Variants in ATP8B4 observed in about 807,000 individuals in gnomAD.
ATP8B4 encodes ATPase phospholipid transporting 8B4 (putative).
A neutral mutation model predicts 145.6 loss-of-function variants in ATP8B4; 133 were observed. The observed-to-expected ratio is 0.91, with a 90% CI of 0.79 to 1.05. ATP8B4 has a LOEUF of 1.05. Ranked by LOEUF, ATP8B4 falls within the 50% of genes least tolerant of loss-of-function variation. The probability of loss-of-function intolerance (pLI) is 0.00; values close to 1 mark genes in which losing one functional copy is unlikely to be tolerated. For missense variants in ATP8B4, 1,458 were observed against 1,425.2 expected (o/e 1.02, Z -0.37); for synonymous variants, 507 against 492.9 (o/e 1.03, Z -0.38).
At chr15:49,936,665 T>C (rs2041757816) in intron 14 of ATP8B4, among the ~76,000 whole-genome samples, 1 of 152,154 alleles carries the variant, frequency 6.6e-6, no homozygotes, top group Non-Finnish European at 1.5e-5. Context: ...ACTCTTTCAA[T>C]TGGAAGATTT....
intron 1 of ATP8B4, among the ~76,000 whole-genome samples, chr15:50,165,933 T>G (rs2044590456): frequency 6.8e-6 from 1 of 147,636 alleles, no homozygotes; most frequent in African/African-American, 2.5e-5. Flanking sequence ...ATAAAAGATA[T>G]CAAACCATAG....
chr15:49,876,855 A>G (rs569689870), intron 24 of ATP8B4, among the ~76,000 whole-genome samples: 34 of 152,344 alleles, frequency 2.2e-4, no homozygotes, highest in African/African-American at 8.2e-4. Context: ...GCAGGCTGTC[A>G]GAAGCATTCG....
At chr15:50,143,302 T>C (rs898411282) in intron 1 of ATP8B4, among the ~76,000 whole-genome samples, 8 of 152,232 alleles carry the variant, frequency 5.3e-5, no homozygotes, top group Non-Finnish European at 1.0e-4. Context: ...CAGATACTAG[T>C]TGATTCTGCA....
rs535151098 is a variant in ATP8B4, at chr15:49,935,356, T to A, written c.1288-1174A>T. On this transcript the variant is annotated intron_variant, in intron 14 of 27. Transcript: ENST00000284509. The stretch of plus-strand genomic sequence containing the variant: ...CTGAGCATTGCCAAGGCCAACCATA[T>A]ACATCCATCAGCCAGGACTCAAACT... Among the ~76,000 whole-genome samples the A allele has an allele frequency of 2.6e-5, 4 of 152,218 alleles. No homozygotes were observed. The East Asian group carries it at 7.7e-4, about 29-fold the overall frequency.
chr15:50,087,113 T>G (rs1212608737), intron 2 of ATP8B4, among the ~76,000 whole-genome samples: 1 of 124,740 alleles, frequency 8.0e-6, no homozygotes, highest in Non-Finnish European at 1.6e-5. Context: ...TAGATTATAT[T>G]TATTATATAT....
At chr15:50,134,879 T>G (rs2044100889) in intron 1 of ATP8B4, among the ~76,000 whole-genome samples, 1 of 152,246 alleles carries the variant, frequency 6.6e-6, no homozygotes, top group Non-Finnish European at 1.5e-5. Flanking sequence ...GTTTGAGTTC[T>G]GCATACCAAT....
intron 13 of ATP8B4, among the ~76,000 whole-genome samples, chr15:49,963,459 CAT>C (rs937746897): frequency 1.1e-4 from 17 of 152,328 alleles, no homozygotes; most frequent in African/African-American, 4.1e-4. Flanking sequence ...GATACACACA[CAT>C]ACGTTCATTG....
At chr15:49,918,766 G>T in intron 19 of ATP8B4, 73 bp downstream of exon 19, 2 of 1,085,078 alleles carry the variant, frequency 1.8e-6, no homozygotes, top group Non-Finnish European at 2.8e-6. Flanking sequence ...TAACCTTTCT[G>T]GTTAATTAAA....
intron 1 of ATP8B4, among the ~76,000 whole-genome samples, chr15:50,145,684 C>CCTTT (rs538990258): frequency 1.1e-3 from 161 of 152,146 alleles, no homozygotes; most frequent in Non-Finnish European, 1.8e-3. Context: ...CTTTTTCCTT[C>CCTTT]CTTTCTTTCT....
In ATP8B4 at chr15:50,167,073, A is replaced by C. The variant is rs578036135; in HGVS notation, c.-43+15188T>G. Among the ~76,000 whole-genome samples, 3 of 152,348 alleles carry C rather than the reference A, an allele frequency of 2.0e-5. No homozygotes were observed. In the East Asian group the frequency reaches 5.8e-4, roughly 29 times the overall value. On this transcript the variant is annotated intron_variant, in intron 1 of 3. Coordinates refer to the ATP8B4 transcript ENST00000558829. The stretch of plus-strand genomic sequence containing the variant: ...TGAGGATTCTCACTGTTTCAGTGAA[A>C]TAGTTACAGCCTACTTTAGGTCCTT...
chr15:50,022,993 T>C, intron 6 of ATP8B4, among the ~76,000 whole-genome samples: 1 of 152,188 alleles, frequency 6.6e-6, no homozygotes. Flanking sequence ...GTAGACTCCA[T>C]TTTTCTCTAT....
intron 1 of ATP8B4, among the ~76,000 whole-genome samples, chr15:50,155,677 A>G (rs1356672983): frequency 6.6e-6 from 1 of 152,160 alleles, no homozygotes; most frequent in Non-Finnish European, 1.5e-5. Context: ...TGTAGACACA[A>G]CATACAACGT....
At chr15:50,094,309 C>CT (rs764271538) in intron 2 of ATP8B4, among the ~76,000 whole-genome samples, 7 of 152,046 alleles carry the variant, frequency 4.6e-5, no homozygotes, top group Non-Finnish European at 7.4e-5. Flanking sequence ...TTTTTCTTGC[C>CT]TTCAGACTCA....
chr15:49,894,863 A>G (rs1006676836), intron 23 of ATP8B4: 4 of 152,212 alleles, frequency 2.6e-5, no homozygotes, highest in Admixed American at 2.6e-4. Flanking sequence ...ACACCCACCA[A>G]CATGAAATGA....
Position 49,934,119 on chromosome 15 carries a change from G to T in ATP8B4, c.1351C>A (p.His451Asn), listed in dbSNP as rs778606504. The stretch of plus-strand genomic sequence containing the variant: ...ATTTTAATGGATTCCATCAGATGGT[G>T]GTCAAAGAACTGAAATTCTCTATCC... The part of the protein sequence containing the change: ...QADREFQFFD[H>N]HLMESIKMGD... The change falls in exon 15 of 28, where the codon CAC becomes AAC. Residue 451 changes from histidine to asparagine, a missense_variant. Coordinates refer to ENST00000284509, the MANE Select transcript of ATP8B4 (RefSeq NM_024837.4). 5 of 1,612,482 alleles carry T rather than the reference G, an allele frequency of 3.1e-6. No individual in the cohort carries two copies. The highest frequency in any genetic ancestry group is 2.7e-5 in the African/African-American group (2 of 74,790).
At chr15:50,103,834 C>T (rs942727382) in intron 2 of ATP8B4, among the ~76,000 whole-genome samples, 3 of 152,104 alleles carry the variant, frequency 2.0e-5, no homozygotes, top group African/African-American at 7.2e-5. Flanking sequence ...TCAAACTATA[C>T]TATAAGGCCC....
At position 49,927,510 on chromosome 15, in the gene ATP8B4, G is replaced by A. The variant is rs74572453; in HGVS notation, c.1642+3609C>T. ...AAAAATCCTCCTGATTAAAAACCAAGCAGAATAAAAATAAATCCAGCAAAC... is the reference window on the plus strand; with the variant it reads ...AAAAATCCTCCTGATTAAAAACCAAACAGAATAAAAATAAATCCAGCAAAC... On this transcript the variant is annotated intron_variant, in intron 16 of 27. Coordinates refer to ENST00000284509, the MANE Select transcript of ATP8B4 (RefSeq NM_024837.4). 9.9e-3 allele frequency among the ~76,000 whole-genome samples: 1,508 copies of A among 152,154 alleles called. 32 individuals carry two copies. The highest frequency in any genetic ancestry group is 0.035 in the African/African-American group (1,467 of 41,518).
At chr15:49,976,281 C>T (rs1392070577) in intron 12 of ATP8B4, among the ~76,000 whole-genome samples, 3 of 136,194 alleles carry the variant, frequency 2.2e-5, no homozygotes, top group African/African-American at 8.1e-5. Context: ...AAATTCCTTG[C>T]TAGCTGGTCT....
intron 1 of ATP8B4, among the ~76,000 whole-genome samples, chr15:50,112,394 G>A (rs1179879745): frequency 1.3e-5 from 2 of 151,944 alleles, no homozygotes. Flanking sequence ...TTTGGGTGTG[G>A]GTGCTCTCCA....
Sources: allele counts gnomAD v4.1 joint callset (sites outside exome capture counted in the v4.1 genomes callset), GRCh38; gene constraint gnomAD v4.1.1; transcripts MANE v1.5; gene names NCBI Gene and HGNC (gene_info 2026-07-23, HGNC 2026-07-21).